C8orf34: variants seen among roughly 807,000 people sequenced by gnomAD.
The protein encoded by C8orf34 is uncharacterized protein C8orf34.
A neutral mutation model predicts 68.3 loss-of-function variants in C8orf34; 65 were observed. The observed-to-expected ratio is 0.95, with a 90% CI of 0.78 to 1.17. The LOEUF is 1.17. Among genes scored for constraint, C8orf34 ranks in the 50% most tolerant of loss-of-function variants. The pLI is 0.00. For synonymous variants in C8orf34, 244 were observed against 241.2 expected, an observed-to-expected ratio of 1.01 and a Z score of -0.11; for missense variants, 664 against 655.4, an observed-to-expected ratio of 1.01 and a Z score of -0.14.
chr8:68,527,441 G>A (rs1815053016), intron 6 of C8orf34, among the ~76,000 whole-genome samples: 1 of 152,202 alleles, frequency 6.6e-6, no homozygotes, highest in South Asian at 2.1e-4. Context: ...GCGTGGTGGT[G>A]GGCGCCTGTA....
At position 68,475,346 on chromosome 8, in the gene C8orf34, C is replaced by T. The variant is rs116309668; in HGVS notation, c.736+6526C>T. ...GCTATGATCTGTTTTTATTTATCTCCTCTGGACCTTGAGTTTCCTGAGGGC... is the reference window on the plus strand; with the variant it reads ...GCTATGATCTGTTTTTATTTATCTCTTCTGGACCTTGAGTTTCCTGAGGGC... On this transcript the variant is annotated intron_variant, in intron 4 of 13. Coordinates refer to ENST00000518698, the MANE Select transcript of C8orf34 (RefSeq NM_052958.4). Among the ~76,000 whole-genome samples, 619 of 152,298 alleles carry T rather than the reference C, an allele frequency of 4.1e-3. 2 individuals carry two copies. The highest frequency in any genetic ancestry group is 0.014 in the African/African-American group (586 of 41,558).
At chr8:68,419,175 A>G (rs988489413) in intron 1 of C8orf34, among the ~76,000 whole-genome samples, 80 of 152,020 alleles carry the variant, frequency 5.3e-4, no homozygotes, top group African/African-American at 1.9e-3. Flanking sequence ...AAGGACATGA[A>G]CAGACACTTC....
chr8:68,709,321 C>T (rs1821266915), intron 9 of C8orf34, among the ~76,000 whole-genome samples: 1 of 152,084 alleles, frequency 6.6e-6, no homozygotes, highest in South Asian at 2.1e-4. Flanking sequence ...TGTTTAAGGT[C>T]CAAACAGATC....
chr8:68,567,467 A>G (rs1392229244), intron 7 of C8orf34, among the ~76,000 whole-genome samples: 2 of 147,920 alleles, frequency 1.4e-5, no homozygotes, highest in Non-Finnish European at 3.0e-5. Flanking sequence ...CAGTTGTAAT[A>G]TCTCCCATTT....
chr8:68,354,887 T>C (rs1379601524), intron 1 of C8orf34, among the ~76,000 whole-genome samples: 1 of 152,084 alleles, frequency 6.6e-6, no homozygotes, highest in African/African-American at 2.4e-5. Context: ...ACAGATACTG[T>C]AGCGTCTAGG....
At chr8:68,607,967 A>C (rs7013043) in intron 7 of C8orf34, among the ~76,000 whole-genome samples, 44,753 of 151,928 alleles carry the variant, frequency 0.29, 8,392 homozygotes, top group African/African-American at 0.55. Flanking sequence ...CAGAGAGGCC[A>C]GTGAAGTTCC....
chr8:68,677,244 C>T (rs756248688), intron 8 of C8orf34, among the ~76,000 whole-genome samples: 18 of 152,196 alleles, frequency 1.2e-4, no homozygotes, highest in Admixed American at 3.9e-4. Context: ...AATGGAAACA[C>T]ACATACCAGA....
At chr8:68,721,329 A>G in intron 9 of C8orf34, 32 bp from the exon 10 acceptor site, 1 of 1,383,164 alleles carries the variant, frequency 7.2e-7, no homozygotes, top group Non-Finnish European at 1.0e-6. Context: ...ATATGTGAGT[A>G]TAATTTATTC....
intron 8 of C8orf34, among the ~76,000 whole-genome samples, chr8:68,677,866 AC>A (rs537440546): frequency 4.5e-4 from 68 of 152,328 alleles, no homozygotes; most frequent in African/African-American, 1.4e-3. Flanking sequence ...AGGAGTGACA[AC>A]CCAAATAAAT....
intron 7 of C8orf34, among the ~76,000 whole-genome samples, chr8:68,601,422 C>G (rs900044105): frequency 4.6e-5 from 7 of 151,786 alleles, no homozygotes; most frequent in Admixed American, 1.3e-4. Flanking sequence ...TCTTATTTTT[C>G]TCTTTGTTGT....
At chr8:68,587,562 T>TAAAA (rs1817245199) in intron 7 of C8orf34, among the ~76,000 whole-genome samples, 1 of 152,008 alleles carries the variant, frequency 6.6e-6, no homozygotes, top group Non-Finnish European at 1.5e-5. Context: ...GAAAGATAGA[T>TAAAA]AAGCATTGTA....
chr8:68,578,570 G>C (rs1292990349), intron 7 of C8orf34, among the ~76,000 whole-genome samples: 1 of 151,578 alleles, frequency 6.6e-6, no homozygotes, highest in African/African-American at 2.4e-5. Context: ...AGCAATTGAG[G>C]CCAGGGAGAT....
chr8:68,515,729 A>G (rs1814484082), intron 5 of C8orf34, among the ~76,000 whole-genome samples: 1 of 152,230 alleles, frequency 6.6e-6, no homozygotes, highest in Non-Finnish European at 1.5e-5. Flanking sequence ...TGAATGTAAT[A>G]TAAAGTTTTT....
At chr8:68,520,113 CT>C (rs1814687888) in intron 5 of C8orf34, among the ~76,000 whole-genome samples, 2 of 152,042 alleles carry the variant, frequency 1.3e-5, no homozygotes, top group African/African-American at 2.4e-5. Context: ...CTTTAATTTT[CT>C]GATGTGAGGG....
At chr8:68,680,668 T>G (rs978632839) in intron 8 of C8orf34, among the ~76,000 whole-genome samples, 2 of 152,070 alleles carry the variant, frequency 1.3e-5, no homozygotes, top group African/African-American at 4.8e-5. Context: ...AAACCACTGA[T>G]AAGGGTCCAA....
chr8:68,673,010 A>T (rs1306071021), intron 8 of C8orf34, among the ~76,000 whole-genome samples: 1 of 152,122 alleles, frequency 6.6e-6, no homozygotes, highest in Non-Finnish European at 1.5e-5. Flanking sequence ...CATTTCTAGA[A>T]ATACCCTGGG....
chr8:68,401,275 GT>G (rs1808943021), intron 1 of C8orf34, among the ~76,000 whole-genome samples: 1 of 151,996 alleles, frequency 6.6e-6, no homozygotes, highest in Admixed American at 6.6e-5. Context: ...GAGTTTTTTG[GT>G]GGAGTCTTTA....
chr8:68,672,163 T>C (rs1820032748), intron 8 of C8orf34, among the ~76,000 whole-genome samples: 1 of 145,354 alleles, frequency 6.9e-6, no homozygotes, highest in African/African-American at 2.5e-5. Context: ...GAAGTCTGGT[T>C]ATGGAGGCAA....
intron 7 of C8orf34, among the ~76,000 whole-genome samples, chr8:68,542,969 AT>A (rs761190447): frequency 1.2e-4 from 19 of 152,032 alleles, no homozygotes; most frequent in Non-Finnish European, 2.1e-4. Flanking sequence ...CTTATTCTTT[AT>A]TTTCCAAGTT....
Sources: allele counts gnomAD v4.1 joint callset (sites outside exome capture counted in the v4.1 genomes callset), GRCh38; gene constraint gnomAD v4.1.1; transcripts MANE v1.5; gene names NCBI Gene and HGNC (gene_info 2026-07-23, HGNC 2026-07-21).